Variants in DNAJC12 observed in about 807,000 individuals in gnomAD.
DNAJC12 encodes the protein DnaJ heat shock protein family (Hsp40) member C12, also known as dnaJ homolog subfamily C member 12.
A neutral mutation model predicts 28.5 loss-of-function variants in DNAJC12; 25 were observed. That is an observed-to-expected ratio of 0.88 (90% CI 0.64 to 1.22). The LOEUF is 1.22. DNAJC12 is among the 50% of genes most tolerant of loss of function. DNAJC12 has a pLI of 0.00. For missense variants in DNAJC12, 222 were observed against 231.7 expected (o/e 0.96, Z 0.27); for synonymous variants, 77 against 80.6 (o/e 0.95, Z 0.24).
In DNAJC12 at chr10:67,798,954, G is replaced by A. The variant is rs1432305207; in HGVS notation, c.503-1744C>T. ...TAATTTTTGTATTTTTAGTAGAATC[G>A]GGGTTTCTCAATGTTGGTCAGGCTG... On this transcript the variant is annotated intron_variant, in intron 4 of 4. Coordinates refer to ENST00000225171, the MANE Select transcript of DNAJC12 (RefSeq NM_021800.3). 3.3e-5 allele frequency among the ~76,000 whole-genome samples: 5 copies of A among 151,640 alleles called. No individual in the cohort carries two copies. The East Asian group carries it at 5.8e-4, about 18-fold the overall frequency.
At chr10:67,822,950 G>A (rs568785456) in intron 2 of DNAJC12, among the ~76,000 whole-genome samples, 9 of 151,266 alleles carry the variant, frequency 5.9e-5, no homozygotes, top group Non-Finnish European at 7.4e-5. Flanking sequence ...AGACATGATC[G>A]CACCACTGCA....
rs746961348 is a variant in DNAJC12, at chr10:67,797,094, C to A, written c.*22G>T. ...CATAGGGGACAGTCTTGCTCTTCCT[C>A]ATTTTTTGAAGCAGAGATATTTCAT... is the stretch of plus-strand genomic sequence containing the variant. On this transcript the variant is annotated 3_prime_UTR_variant, in exon 5 of 5. Transcript: ENST00000225171. The A allele has an allele frequency of 1.3e-6, 2 of 1,598,508 alleles. No homozygotes were observed. The highest frequency in any genetic ancestry group is 2.2e-5 in the South Asian group (2 of 90,076).
intron 3 of DNAJC12, among the ~76,000 whole-genome samples, chr10:67,807,298 C>T (rs919515827): frequency 2.0e-5 from 3 of 151,854 alleles, no homozygotes; most frequent in African/African-American, 7.2e-5. Context: ...AAAAATTAGG[C>T]GAAGTTTCGA....
chr10:67,819,656 GA>G (rs1841952002), intron 2 of DNAJC12, among the ~76,000 whole-genome samples: 1 of 123,586 alleles, frequency 8.1e-6, no homozygotes, highest in Non-Finnish European at 1.7e-5. Context: ...AAGAAAGAAA[GA>G]AAGAGAAAGA....
chr10:67,818,546 A>T (rs773077314), intron 2 of DNAJC12, among the ~76,000 whole-genome samples: 1 of 152,220 alleles, frequency 6.6e-6, no homozygotes, highest in African/African-American at 2.4e-5. Flanking sequence ...TCCTGAATAA[A>T]AATTGTTTGT....
chr10:67,797,809 G>A (rs1841690625), intron 4 of DNAJC12, among the ~76,000 whole-genome samples: 1 of 152,128 alleles, frequency 6.6e-6, no homozygotes. Flanking sequence ...GGGAGGCCAA[G>A]GCGGGCGGAT....
At chr10:67,800,905 T>C (rs1409252819) in intron 4 of DNAJC12, among the ~76,000 whole-genome samples, 1 of 151,432 alleles carries the variant, frequency 6.6e-6, no homozygotes. Flanking sequence ...GTGGTGCCAC[T>C]GCACTCCAGC....
At chr10:67,823,934 G>A (rs1354833884) in intron 1 of DNAJC12, among the ~76,000 whole-genome samples, 1 of 152,040 alleles carries the variant, frequency 6.6e-6, no homozygotes, top group East Asian at 1.9e-4. Flanking sequence ...ATACCTATGA[G>A]CTCAAAATAT....
At chr10:67,797,779 G>A (rs1183543262) in intron 4 of DNAJC12, among the ~76,000 whole-genome samples, 1 of 152,118 alleles carries the variant, frequency 6.6e-6, no homozygotes, top group Admixed American at 6.5e-5. Flanking sequence ...AGTGGCTCAC[G>A]CCTGTAATCC....
chr10:67,805,574 G>A lies in DNAJC12; in HGVS notation c.502+9C>T, dbSNP rs185270439. 61 of 1,597,142 alleles carry A rather than the reference G, an allele frequency of 3.8e-5. No individual in the cohort carries two copies. The Admixed American group carries it at 6.9e-4, about 18-fold the overall frequency. On this transcript the variant is annotated intron_variant, in intron 4 of 4. Transcript: ENST00000225171. ...CTTCTCCATTCTGCAGTTATATAAC[G>A]TGACTTACCTGAAGAATCTGAATTT...
chr10:67,813,717 C>A (rs1841885940), intron 2 of DNAJC12, among the ~76,000 whole-genome samples: 1 of 148,886 alleles, frequency 6.7e-6, no homozygotes, highest in Non-Finnish European at 1.5e-5. Context: ...GAGACCATGT[C>A]ATTACACTCC....
At chr10:67,823,879 C>T (rs1420068509) in intron 1 of DNAJC12, among the ~76,000 whole-genome samples, 2 of 152,058 alleles carry the variant, frequency 1.3e-5, no homozygotes, top group Non-Finnish European at 2.9e-5. Flanking sequence ...TTGAAATAGT[C>T]GTTGTGATGA....
Position 67,826,851 on chromosome 10 carries a change from ATAT to A in DNAJC12, c.79-3462_79-3460del, listed in dbSNP as rs1185532473. On this transcript the variant is annotated intron_variant, in intron 1 of 4. Transcript: ENST00000225171. ...TCATATATAAGATATCTAATGATAT[ATAT>A]TATATCTATTATATCTATTATATAT... Among the ~76,000 whole-genome samples the A allele has an allele frequency of 1.1e-4, 14 of 132,324 alleles. No individual in the cohort carries two copies. In the South Asian group the frequency reaches 1.3e-3, roughly 12 times the overall value. The allele number at this position is 132,324 out of a possible 152,430, so 86.8% of individuals were successfully genotyped here.
chr10:67,805,166 G>C (rs1841786103), intron 4 of DNAJC12, among the ~76,000 whole-genome samples: 1 of 152,112 alleles, frequency 6.6e-6, no homozygotes, highest in Admixed American at 6.5e-5. Flanking sequence ...ATGGCTTTAA[G>C]CAAATTATTC....
chr10:67,829,360 G>A (rs1370597493), intron 1 of DNAJC12, among the ~76,000 whole-genome samples: 2 of 152,318 alleles, frequency 1.3e-5, no homozygotes, highest in East Asian at 3.9e-4. Flanking sequence ...AACCTGTCAG[G>A]CCGGGTGCGG....
intron 3 of DNAJC12, among the ~76,000 whole-genome samples, chr10:67,807,818 C>T (rs563568367): frequency 3.9e-5 from 6 of 152,332 alleles, no homozygotes; most frequent in African/African-American, 1.4e-4. Context: ...ACAGTAAATG[C>T]TTTAAAGGTC....
At chr10:67,798,043 A>T (rs1003080330) in intron 4 of DNAJC12, among the ~76,000 whole-genome samples, 4 of 136,510 alleles carry the variant, frequency 2.9e-5, no homozygotes, top group African/African-American at 1.0e-4. Flanking sequence ...CTGTCTCAGA[A>T]AAAAAAAAAA....
chr10:67,821,727 G>A (rs1841982939), intron 2 of DNAJC12, among the ~76,000 whole-genome samples: 1 of 152,130 alleles, frequency 6.6e-6, no homozygotes, highest in Non-Finnish European at 1.5e-5. Flanking sequence ...AAAGAATGCT[G>A]TAGCAATCCA....
intron 1 of DNAJC12, among the ~76,000 whole-genome samples, chr10:67,830,312 A>G (rs1318164819): frequency 1.3e-5 from 2 of 150,720 alleles, no homozygotes; most frequent in East Asian, 3.9e-4. Context: ...CTCCGTCTCA[A>G]AAAATAAATA....
Sources: allele counts gnomAD v4.1 joint callset (sites outside exome capture counted in the v4.1 genomes callset), GRCh38; gene constraint gnomAD v4.1.1; transcripts MANE v1.5; gene names NCBI Gene and HGNC (gene_info 2026-07-23, HGNC 2026-07-21).